GRM7: variants seen among roughly 807,000 people sequenced by gnomAD.
The protein encoded by GRM7 is glutamate metabotropic receptor 7.
In GRM7, 35 loss-of-function variants were observed where a neutral mutation model predicts 84.5. The ratio of observed to expected loss-of-function variants is 0.41; its 90% CI spans 0.32 to 0.55. The LOEUF (loss-of-function observed/expected upper bound fraction) is 0.55, where lower values mean the gene tolerates loss of function less well. GRM7 is among the 20% of genes least tolerant of loss of function. GRM7 has a pLI of 0.19. For missense variants in GRM7, 1,003 were observed against 1,194.6 expected (o/e 0.84, Z 2.36); for synonymous variants, 487 against 455.1 (o/e 1.07, Z -0.89).
intron 1 of GRM7, among the ~76,000 whole-genome samples, chr3:7,117,932 A>G (rs1432817484): frequency 6.6e-6 from 1 of 152,124 alleles, no homozygotes; most frequent in Non-Finnish European, 1.5e-5. Context: ...CTATAGGACC[A>G]TTTTGGTTTA....
At chr3:7,210,770 G>A (rs1371647623) in intron 2 of GRM7, among the ~76,000 whole-genome samples, 4 of 150,854 alleles carry the variant, frequency 2.7e-5, no homozygotes, top group East Asian at 1.9e-4. Context: ...AAGATACAGC[G>A]ATAAAGACAA....
chr3:7,089,155 T>C (rs1403084796), intron 1 of GRM7, among the ~76,000 whole-genome samples: 1 of 152,184 alleles, frequency 6.6e-6, no homozygotes, highest in Non-Finnish European at 1.5e-5. Flanking sequence ...GTTTATTTTA[T>C]TTCAAAGAGC....
At chr3:6,939,811 TC>T (rs1417155429) in intron 1 of GRM7, among the ~76,000 whole-genome samples, 2 of 152,096 alleles carry the variant, frequency 1.3e-5, no homozygotes, top group Non-Finnish European at 2.9e-5. Context: ...CTGGTTTCTA[TC>T]CCCTTCAAAT....
chr3:7,136,311 G>A (rs1241794106), intron 1 of GRM7, among the ~76,000 whole-genome samples: 2 of 151,926 alleles, frequency 1.3e-5, no homozygotes, highest in East Asian at 3.9e-4. Flanking sequence ...GAGGAGTTAA[G>A]GAAAAGGCAG....
intron 2 of GRM7, among the ~76,000 whole-genome samples, chr3:7,159,732 C>G (rs1053372495): frequency 1.3e-5 from 2 of 152,154 alleles, no homozygotes; most frequent in Non-Finnish European, 2.9e-5. Flanking sequence ...ATAGTGATGC[C>G]TATCTGTCTG....
At chr3:7,207,095 C>A (rs1487812667) in intron 2 of GRM7, among the ~76,000 whole-genome samples, 1 of 152,062 alleles carries the variant, frequency 6.6e-6, no homozygotes, top group Non-Finnish European at 1.5e-5. Context: ...AGAAGGAAAA[C>A]AATGTTCGCT....
chr3:7,581,414 C>T (rs140023767), intron 8 of GRM7, among the ~76,000 whole-genome samples: 1 of 152,032 alleles, frequency 6.6e-6, no homozygotes, highest in African/African-American at 2.4e-5. Flanking sequence ...GGTTGATTGA[C>T]ACAATTAAAG....
chr3:7,296,821 T>A (rs535244903), intron 2 of GRM7, among the ~76,000 whole-genome samples: 2,002 of 144,316 alleles, frequency 0.014, 45 homozygotes, highest in African/African-American at 0.042. Flanking sequence ...ACAGCTTTTT[T>A]AAAAAAAAAA....
intron 7 of GRM7, among the ~76,000 whole-genome samples, chr3:7,495,827 T>A (rs1400131827): frequency 6.6e-6 from 1 of 152,200 alleles, no homozygotes; most frequent in East Asian, 1.9e-4. Context: ...TAGCCTGCCC[T>A]TTGGCTGTTC....
At chr3:7,324,864 T>A (rs1546238) in intron 4 of GRM7, among the ~76,000 whole-genome samples, 1 of 151,932 alleles carries the variant, frequency 6.6e-6, no homozygotes, top group Non-Finnish European at 1.5e-5. Context: ...TCTGGCCTCT[T>A]CTAACCTTGG....
chr3:6,942,121 C>T (rs1037985381), intron 1 of GRM7, among the ~76,000 whole-genome samples: 1 of 151,158 alleles, frequency 6.6e-6, no homozygotes, highest in Non-Finnish European at 1.5e-5. Context: ...GTCACTATAC[C>T]TTATTGAATG....
intron 1 of GRM7, among the ~76,000 whole-genome samples, chr3:6,982,697 G>C (rs1248497289): frequency 1.3e-5 from 2 of 151,878 alleles, no homozygotes; most frequent in African/African-American, 4.8e-5. Flanking sequence ...CATCACTATA[G>C]TCTTGTCCTT....
rs374390861 is a variant in GRM7, at chr3:7,354,830, A to C, written c.1033+48178A>C. 9.9e-5 allele frequency among the ~76,000 whole-genome samples: 15 copies of C among 152,196 alleles called. 1 individual carries two copies. Among genetic ancestry groups the C allele is most frequent in the Admixed American group, 9.8e-4 (15 of 15,278 alleles). ...TGATTTAACAAATGCCGTTTGCTCC[A>C]TATCTGCCTATAAGGCGCATCAGGA... On this transcript the variant is annotated intron_variant, in intron 4 of 9. Coordinates refer to ENST00000357716, the MANE Select transcript of GRM7 (RefSeq NM_000844.4).
chr3:7,551,369 C>G (rs1693464206), intron 7 of GRM7, among the ~76,000 whole-genome samples: 1 of 152,104 alleles, frequency 6.6e-6, no homozygotes, highest in East Asian at 1.9e-4. Context: ...TTTTCACACC[C>G]TGTGGGAATT....
At position 7,480,877 on chromosome 3, in the gene GRM7, T is replaced by C. The variant is rs367726114; in HGVS notation, c.1515+19155T>C. On this transcript the variant is annotated intron_variant, in intron 7 of 9. Transcript: ENST00000357716. ...ACCACACTTTGAGAATTAAGCTACA[T>C]ACAGCTAATAATCTTGAAATAAGTG... is the stretch of plus-strand genomic sequence containing the variant. Among the ~76,000 whole-genome samples the C allele has an allele frequency of 8.2e-4, 125 of 152,290 alleles. 3 individuals carry two copies. The South Asian group carries it at 0.022, about 26-fold the overall frequency.
chr3:7,077,273 C>G (rs925213579), intron 1 of GRM7, among the ~76,000 whole-genome samples: 9 of 152,240 alleles, frequency 5.9e-5, no homozygotes, highest in African/African-American at 1.9e-4. Context: ...CACATACACA[C>G]GTATGTTTAT....
intron 1 of GRM7, among the ~76,000 whole-genome samples, chr3:7,059,768 G>T (rs1269762558): frequency 6.6e-6 from 1 of 151,670 alleles, no homozygotes; most frequent in Non-Finnish European, 1.5e-5. Flanking sequence ...ACCCTAGAGA[G>T]TTACCTAACC....
intron 3 of GRM7, among the ~76,000 whole-genome samples, chr3:7,306,038 ATAAT>A (rs1425446348): frequency 3.3e-5 from 5 of 152,212 alleles, no homozygotes; most frequent in Admixed American, 6.5e-5. Flanking sequence ...ATTTTAATAA[ATAAT>A]TAACATCTTT....
At chr3:7,703,325 C>T (rs562015949) in intron 9 of GRM7, among the ~76,000 whole-genome samples, 1 of 152,130 alleles carries the variant, frequency 6.6e-6, no homozygotes, top group African/African-American at 2.4e-5. Context: ...AACAACCCCC[C>T]CAAGTAAGTC....
Sources: allele counts gnomAD v4.1 joint callset (sites outside exome capture counted in the v4.1 genomes callset), GRCh38; gene constraint gnomAD v4.1.1; transcripts MANE v1.5; gene names NCBI Gene and HGNC (gene_info 2026-07-23, HGNC 2026-07-21).